Variants in CSMD1 observed in about 807,000 individuals in gnomAD.
The protein encoded by CSMD1 is CUB and Sushi multiple domains 1.
In CSMD1, 213 loss-of-function variants were observed where a neutral mutation model predicts 417.5. That is an observed-to-expected ratio of 0.51 (90% confidence interval 0.46 to 0.57). The LOEUF (loss-of-function observed/expected upper bound fraction) is 0.57. Ranked by LOEUF, CSMD1 falls within the 20% of genes least tolerant of loss-of-function variation. The pLI is 0.00. For synonymous variants in CSMD1, 2,862 were observed against 1,736.8 expected (o/e 1.65, Z -16.11); for missense variants, 6,923 against 4,529.7 (o/e 1.53, Z -15.17).
At chr8:3,354,465 G>C (rs1351422486) in intron 21 of CSMD1, among the ~76,000 whole-genome samples, 1 of 143,584 alleles carries the variant, frequency 7.0e-6, no homozygotes, top group East Asian at 2.0e-4. Flanking sequence ...AACAGAAACA[G>C]AAAGTCTACC....
chr8:4,743,580 T>C (rs1008848136), intron 1 of CSMD1, among the ~76,000 whole-genome samples: 1 of 152,150 alleles, frequency 6.6e-6, no homozygotes, highest in Non-Finnish European at 1.5e-5. Flanking sequence ...GCTATCCTGA[T>C]TATTGGGTCA....
chr8:4,474,700 T>C (rs1053176642), intron 2 of CSMD1, among the ~76,000 whole-genome samples: 1 of 152,118 alleles, frequency 6.6e-6, no homozygotes, highest in African/African-American at 2.4e-5. Context: ...CTGAGCAGTT[T>C]ACTCCCACGT....
intron 2 of CSMD1, among the ~76,000 whole-genome samples, chr8:4,611,447 G>C (rs1801164335): frequency 6.6e-6 from 1 of 152,152 alleles, no homozygotes; most frequent in Admixed American, 6.5e-5. Flanking sequence ...ACATTTCTCA[G>C]TGTGTACCAT....
chr8:3,724,644 T>G (rs1163589923), intron 6 of CSMD1, among the ~76,000 whole-genome samples: 1 of 152,100 alleles, frequency 6.6e-6, no homozygotes, highest in Non-Finnish European at 1.5e-5. Flanking sequence ...GGAAGGACAT[T>G]TACCCTGGGC....
intron 1 of CSMD1, among the ~76,000 whole-genome samples, chr8:4,880,638 C>T (rs1803331121): frequency 6.6e-6 from 1 of 151,968 alleles, no homozygotes; most frequent in Non-Finnish European, 1.5e-5. Context: ...CAGTTCGAAG[C>T]GTCCCGATGA....
rs1256680833 is a variant in CSMD1 at position 3,242,120 on chromosome 8, A to G, written c.4154-11889T>C. Among the ~76,000 whole-genome samples the G allele has an allele frequency of 5.3e-5, 8 of 151,306 alleles. No homozygotes were observed. In the East Asian group the frequency reaches 1.2e-3, roughly 22 times the overall value. On this transcript the variant is annotated intron_variant, in intron 26 of 69. Coordinates refer to ENST00000635120, the MANE Select transcript of CSMD1 (RefSeq NM_033225.6). ...AGAAAAAGGAGCATTAACCTTGACT[A>G]TGCCTTTAGCTCCAGCCACCTTTTA...
chr8:4,537,578 T>C (rs1295419742), intron 2 of CSMD1, among the ~76,000 whole-genome samples: 1 of 152,192 alleles, frequency 6.6e-6, no homozygotes, highest in Admixed American at 6.5e-5. Context: ...TTGCTGAACA[T>C]TTCGTGGCCT....
intron 1 of CSMD1, among the ~76,000 whole-genome samples, chr8:4,809,979 A>C (rs552203222): frequency 6.6e-6 from 1 of 152,188 alleles, no homozygotes; most frequent in Non-Finnish European, 1.5e-5. Context: ...GGGTAATTAC[A>C]GTATTGTCAG....
At chr8:2,990,421 C>T (rs1303057653) in intron 54 of CSMD1, among the ~76,000 whole-genome samples, 1 of 152,178 alleles carries the variant, frequency 6.6e-6, no homozygotes, top group Non-Finnish European at 1.5e-5. Context: ...CATTCAGCTC[C>T]GGTTGACACA....
intron 3 of CSMD1, among the ~76,000 whole-genome samples, chr8:4,055,009 T>C (rs1412014352): frequency 6.6e-6 from 1 of 152,202 alleles, no homozygotes; most frequent in South Asian, 2.1e-4. Context: ...TATAAATGTG[T>C]GTGAAGAAGG....
intron 7 of CSMD1, among the ~76,000 whole-genome samples, chr8:3,657,385 G>C (rs937679672): frequency 6.6e-6 from 1 of 152,026 alleles, no homozygotes; most frequent in Non-Finnish European, 1.5e-5. Context: ...CTATAAAACT[G>C]TATGGTATCA....
chr8:3,524,306 G>C (rs906283909), intron 10 of CSMD1, among the ~76,000 whole-genome samples: 7 of 137,004 alleles, frequency 5.1e-5, no homozygotes, highest in Admixed American at 2.9e-4. Flanking sequence ...CGTACACTCA[G>C]AGACATATGC....
At chr8:4,973,293 G>C (rs1810352008) in intron 1 of CSMD1, among the ~76,000 whole-genome samples, 1 of 152,120 alleles carries the variant, frequency 6.6e-6, no homozygotes, top group Non-Finnish European at 1.5e-5. Context: ...TTAGGTACAT[G>C]ATAACTGCAC....
At chr8:4,588,116 G>C (rs2724988) in intron 2 of CSMD1, among the ~76,000 whole-genome samples, 9 of 151,902 alleles carry the variant, frequency 5.9e-5, no homozygotes, top group African/African-American at 2.2e-4. Flanking sequence ...CCTCTAGCTA[G>C]AGTGGATAAT....
intron 1 of CSMD1, among the ~76,000 whole-genome samples, chr8:4,953,591 C>A (rs2117295417): frequency 6.6e-6 from 1 of 152,086 alleles, no homozygotes; most frequent in South Asian, 2.1e-4. Flanking sequence ...GTCAACTAGT[C>A]ATAAAATTTA....
At chr8:4,430,237 A>C (rs1200377445) in intron 2 of CSMD1, among the ~76,000 whole-genome samples, 1 of 152,126 alleles carries the variant, frequency 6.6e-6, no homozygotes, top group African/African-American at 2.4e-5. Flanking sequence ...TGCCATGAAT[A>C]CTGGGTCGGA....
At chr8:3,733,725 G>T (rs939103915) in intron 6 of CSMD1, among the ~76,000 whole-genome samples, 1 of 152,064 alleles carries the variant, frequency 6.6e-6, no homozygotes, top group Admixed American at 6.6e-5. Flanking sequence ...ACGCCCATGG[G>T]GTTGTGGTGT....
chr8:3,624,909 G>C (rs553083787), intron 7 of CSMD1, among the ~76,000 whole-genome samples: 1 of 152,082 alleles, frequency 6.6e-6, no homozygotes, highest in South Asian at 2.1e-4. Context: ...CAGCAAGAAT[G>C]AAACTTTGTC....
At chr8:4,735,357 T>C (rs962250753) in intron 1 of CSMD1, among the ~76,000 whole-genome samples, 1 of 152,220 alleles carries the variant, frequency 6.6e-6, no homozygotes, top group Non-Finnish European at 1.5e-5. Flanking sequence ...GGATTTTCTG[T>C]TGCCAAGCCC....
Sources: allele counts gnomAD v4.1 joint callset (sites outside exome capture counted in the v4.1 genomes callset), GRCh38; gene constraint gnomAD v4.1.1; transcripts MANE v1.5; gene names NCBI Gene and HGNC (gene_info 2026-07-23, HGNC 2026-07-21).